TLL1: variants seen among roughly 807,000 people sequenced by gnomAD.
TLL1 encodes tolloid like 1.
A neutral mutation model predicts 128.2 loss-of-function variants in TLL1; 49 were observed. The ratio of observed to expected loss-of-function variants is 0.38; its 90% CI spans 0.30 to 0.48. The LOEUF is 0.48. Ranked by LOEUF, TLL1 falls within the 20% of genes least tolerant of loss-of-function variation. The pLI, the probability that TLL1 is intolerant of heterozygous loss-of-function variation, is 0.96. For synonymous variants in TLL1, 454 were observed against 418.8 expected, an observed-to-expected ratio of 1.08 and a Z score of -1.03; for missense variants, 1,123 against 1,242.0, an observed-to-expected ratio of 0.90 and a Z score of 1.44.
chr4:165,930,480 G>T (rs897564553), intron 1 of TLL1, among the ~76,000 whole-genome samples: 1 of 151,958 alleles, frequency 6.6e-6, no homozygotes, highest in Non-Finnish European at 1.5e-5. Flanking sequence ...TTAGAGCAGG[G>T]ATAGCTAAAA....
At chr4:166,069,403 T>C (rs1240243987) in intron 16 of TLL1, among the ~76,000 whole-genome samples, 1 of 151,710 alleles carries the variant, frequency 6.6e-6, no homozygotes, top group Non-Finnish European at 1.5e-5. Context: ...CTTCTAAGAA[T>C]TTTCAAGGAA....
At chr4:166,079,918 G>A (rs542165403) in intron 18 of TLL1, among the ~76,000 whole-genome samples, 7 of 152,060 alleles carry the variant, frequency 4.6e-5, no homozygotes, top group East Asian at 3.9e-4. Flanking sequence ...TGGCTGTCTC[G>A]AATCTACTGA....
Position 165,989,422 on chromosome 4 carries a change from A to G in TLL1, c.211A>G (p.Asn71Asp). The G allele has an allele frequency of 2.5e-6, 4 of 1,612,874 alleles. No individual in the cohort carries two copies. The highest frequency in any genetic ancestry group is 3.4e-6 in the Non-Finnish European group (4 of 1,179,352). ...TATTGCCTTAGATGATGAAGACTTA[A>G]ATATCTTTCAAATAGATAGGACAAT... ...GDIALDDEDL[N>D]IFQIDRTIDL... The change falls in exon 2 of 21, where the codon AAT becomes GAT. Residue 71 changes from asparagine to aspartate, a missense_variant. Around this residue, in one of 3 missense-constraint regions of TLL1, gnomAD observed 480 missense variants for 542.4 expected, o/e 0.89. Transcript: ENST00000061240.
At chr4:165,900,251 TTA>T (rs1270035968) in intron 1 of TLL1, among the ~76,000 whole-genome samples, 1 of 152,100 alleles carries the variant, frequency 6.6e-6, no homozygotes, top group Non-Finnish European at 1.5e-5. Flanking sequence ...GTTAATATTG[TTA>T]TGTGTGAATT....
chr4:166,088,009 T>C (rs1264723183), intron 18 of TLL1, among the ~76,000 whole-genome samples: 3 of 152,172 alleles, frequency 2.0e-5, no homozygotes, highest in African/African-American at 7.2e-5. Flanking sequence ...AATATAATCA[T>C]GGAATGAGTA....
chr4:166,052,694 CT>C (rs1739800585), intron 12 of TLL1, among the ~76,000 whole-genome samples: 1 of 152,064 alleles, frequency 6.6e-6, no homozygotes, highest in African/African-American at 2.4e-5. Context: ...CTTTCTCCCC[CT>C]CTTCCAATAG....
intron 1 of TLL1, among the ~76,000 whole-genome samples, chr4:165,954,873 G>T (rs977874928): frequency 2.0e-5 from 3 of 152,036 alleles, no homozygotes; most frequent in Non-Finnish European, 4.4e-5. Context: ...ATGAACGCAA[G>T]AATTCTGGCA....
intron 1 of TLL1, among the ~76,000 whole-genome samples, chr4:165,947,993 G>C (rs187378115): frequency 6.6e-6 from 1 of 152,166 alleles, no homozygotes; most frequent in Admixed American, 6.6e-5. Context: ...CTGCCAACAC[G>C]TGCTACCTTG....
chr4:166,088,544 C>A (rs959363618), intron 18 of TLL1, among the ~76,000 whole-genome samples: 12 of 151,996 alleles, frequency 7.9e-5, no homozygotes, highest in African/African-American at 2.4e-4. Context: ...TGTGGTGGAG[C>A]TTTTAGTTCA....
At chr4:166,050,709 G>A (rs1739678155) in intron 12 of TLL1, among the ~76,000 whole-genome samples, 1 of 152,180 alleles carries the variant, frequency 6.6e-6, no homozygotes, top group African/African-American at 2.4e-5. Context: ...CTTTCCTTCA[G>A]TGCCAGAGCT....
In TLL1 at chr4:165,989,457, G is replaced by C. The variant is rs780102620; in HGVS notation, c.246G>C (p.Thr82=). The part of the protein sequence containing the change: ...IFQIDRTIDL[T]QNPFGNLGHT... Reference sequence around the variant, plus strand: ...AAATAGATAGGACAATTGACCTTACGCAGAACCCCTTTGGAAACCTTGGAC... The same window carrying C: ...AAATAGATAGGACAATTGACCTTACCCAGAACCCCTTTGGAAACCTTGGAC... Residue 82 remains threonine, a synonymous_variant, in exon 2 of 21, where the codon ACG becomes ACC. Transcript: ENST00000061240. 6.2e-7 allele frequency: 1 copy of C among 1,612,696 alleles called. No individual in the cohort carries two copies. The highest frequency in any genetic ancestry group is 1.1e-5 in the South Asian group (1 of 91,054).
At chr4:165,903,032 A>T (rs1203509923) in intron 1 of TLL1, among the ~76,000 whole-genome samples, 4 of 152,182 alleles carry the variant, frequency 2.6e-5, no homozygotes, top group Non-Finnish European at 5.9e-5. Context: ...GCTCATCAAA[A>T]GATACTTTTA....
intron 5 of TLL1, among the ~76,000 whole-genome samples, chr4:166,000,947 C>T (rs796099046): frequency 2.4e-4 from 36 of 151,738 alleles, no homozygotes; most frequent in African/African-American, 7.3e-4. Context: ...ATGATGAGTA[C>T]AAATTAATTC....
intron 16 of TLL1, among the ~76,000 whole-genome samples, chr4:166,068,625 A>G (rs1316511238): frequency 1.3e-5 from 2 of 151,930 alleles, no homozygotes; most frequent in East Asian, 1.9e-4. Context: ...AAGAGTCATT[A>G]AAATGACTAT....
At chr4:166,051,161 A>G (rs1244302297) in intron 12 of TLL1, among the ~76,000 whole-genome samples, 2 of 152,198 alleles carry the variant, frequency 1.3e-5, no homozygotes, top group Admixed American at 6.5e-5. Context: ...TAATTATACA[A>G]GACATTGAGT....
At chr4:165,881,998 CAGG>C (rs1730988871) in intron 1 of TLL1, among the ~76,000 whole-genome samples, 1 of 152,086 alleles carries the variant, frequency 6.6e-6, no homozygotes, top group African/African-American at 2.4e-5. Context: ...CTTTCAAATG[CAGG>C]TGAAAAAAAT....
chr4:166,014,197 A>C (rs1197912320), intron 7 of TLL1, among the ~76,000 whole-genome samples: 1 of 151,882 alleles, frequency 6.6e-6, no homozygotes, highest in Admixed American at 6.6e-5. Flanking sequence ...TTAAGAACAT[A>C]CATGTTTCAA....
intron 5 of TLL1, among the ~76,000 whole-genome samples, chr4:165,998,285 T>C (rs532654342): frequency 3.3e-5 from 5 of 152,136 alleles, no homozygotes; most frequent in Non-Finnish European, 5.9e-5. Flanking sequence ...TTATGTAGCC[T>C]TTTATAGCTA....
At chr4:166,061,527 G>A (rs1406794007) in intron 15 of TLL1, among the ~76,000 whole-genome samples, 5 of 152,050 alleles carry the variant, frequency 3.3e-5, no homozygotes, top group Admixed American at 3.3e-4. Flanking sequence ...TTACAGGCAT[G>A]AGCTACCGTG....
Sources: gnomAD v4.1 joint callset for allele counts (sites outside exome capture counted in the v4.1 genomes callset) on GRCh38, gnomAD v4.1.1 for gene constraint, gnomAD v4.1.1 regional missense constraint, MANE v1.5 for transcripts, NCBI Gene and HGNC (gene_info 2026-07-23, HGNC 2026-07-21) for gene names.